ATP6V0D1: variants seen among roughly 807,000 people sequenced by gnomAD.
ATP6V0D1 encodes ATPase H+ transporting V0 subunit d1, also known as V-type proton ATPase subunit d 1.
A neutral mutation model predicts 39.0 loss-of-function variants in ATP6V0D1; 13 were observed. The observed-to-expected ratio is 0.33, with a 90% CI of 0.22 to 0.53. The LOEUF is 0.53. Among genes scored for constraint, ATP6V0D1 ranks in the 20% least tolerant of loss-of-function variants. ATP6V0D1 has a pLI of 0.94. For synonymous variants in ATP6V0D1, 191 were observed against 191.2 expected, an observed-to-expected ratio of 1.00 and a Z score of 0.01; for missense variants, 272 against 470.9, an observed-to-expected ratio of 0.58 and a Z score of 3.91.
intron 1 of ATP6V0D1, among the ~76,000 whole-genome samples, chr16:67,475,608 G>A (rs2041408316): frequency 6.6e-6 from 1 of 152,170 alleles, no homozygotes. Flanking sequence ...TGCAACAGGA[G>A]GAAGATGTCC....
At chr16:67,478,835 C>G (rs1481009688) in intron 1 of ATP6V0D1, among the ~76,000 whole-genome samples, 1 of 152,040 alleles carries the variant, frequency 6.6e-6, no homozygotes, top group Non-Finnish European at 1.5e-5. Flanking sequence ...TGGGAAGAAC[C>G]CTGTGCCCCC....
intron 2 of ATP6V0D1, chr16:67,452,100 G>A: frequency 8.3e-7 from 1 of 1,209,230 alleles, no homozygotes; most frequent in Admixed American, 2.6e-5. Context: ...CCTCAGCTCT[G>A]GCTTTGCAGC....
At position 67,470,619 on chromosome 16, in the gene ATP6V0D1, C is replaced by T. The variant is rs2041365188; in HGVS notation, c.130+10338G>A. ...AGATGGCCTGGCGCGGGCCTAACTG[C>T]CACCAGCCAGTGTACTGGTGACTTC... On this transcript the variant is annotated intron_variant, in intron 1 of 7. Transcript: ENST00000290949. Among the ~76,000 whole-genome samples the T allele has an allele frequency of 2.6e-5, 4 of 152,304 alleles. No homozygotes were observed. The South Asian group carries it at 6.2e-4, about 24-fold the overall frequency.
intron 4 of ATP6V0D1, 56 bp from the exon 5 acceptor site, chr16:67,439,407 T>C (rs888045938): frequency 2.3e-5 from 36 of 1,534,970 alleles, no homozygotes; most frequent in Non-Finnish European, 3.2e-5. Context: ...GAGGGCTTGC[T>C]AGGCACAAGC....
intron 2 of ATP6V0D1, chr16:67,452,299 G>T: frequency 2.6e-6 from 4 of 1,535,722 alleles, no homozygotes; most frequent in Non-Finnish European, 2.6e-6. Context: ...CCAGGAGAGG[G>T]CCTGCTTCCT....
chr16:67,438,450 T>TACACACACACGC lies in ATP6V0D1; in HGVS notation c.*66_*77dup. ...AGCCACAGGCTTGTCACAGACCACA[T>TACACACACACGC]ACACACACACGCACACACACGCGCA... is the stretch of plus-strand genomic sequence containing the variant. On this transcript the variant is annotated 3_prime_UTR_variant, in exon 8 of 8. Transcript: ENST00000290949. 3 of 1,514,856 alleles carry TACACACACACGC rather than the reference T, an allele frequency of 2.0e-6. No homozygotes were observed. Among genetic ancestry groups the TACACACACACGC allele is most frequent in the Non-Finnish European group, 1.8e-6 (2 of 1,121,296 alleles). The allele number at this position is 1,514,856 out of a possible 1,614,324, so 93.8% of individuals were successfully genotyped here.
In ATP6V0D1 at chr16:67,481,142, A is replaced by G; in HGVS notation, c.-56T>C. ...CCAGGACCGGCCGGCACGAATCGCG[A>G]CTCCCCAGGTCAGCTGACGCTGCGT... On this transcript the variant is annotated 5_prime_UTR_variant, in exon 1 of 8. Transcript: ENST00000290949. 1 of 1,607,844 alleles carries G rather than the reference A, an allele frequency of 6.2e-7. No homozygotes were observed. The highest frequency in any genetic ancestry group is 8.5e-7 in the Non-Finnish European group (1 of 1,176,070).
intron 2 of ATP6V0D1, among the ~76,000 whole-genome samples, chr16:67,450,415 C>T (rs1472236424): frequency 6.6e-6 from 1 of 152,232 alleles, no homozygotes; most frequent in African/African-American, 2.4e-5. Context: ...AGGCTTCACC[C>T]CTTCCTGCAA....
chr16:67,461,929 C>G (rs1486199174), intron 1 of ATP6V0D1, among the ~76,000 whole-genome samples: 1 of 152,218 alleles, frequency 6.6e-6, no homozygotes, highest in East Asian at 1.9e-4. Context: ...TAATTACCCT[C>G]ATACTCTCAG....
chr16:67,448,799 G>A (rs999716792), intron 2 of ATP6V0D1, among the ~76,000 whole-genome samples: 3 of 152,038 alleles, frequency 2.0e-5, no homozygotes, highest in Non-Finnish European at 4.4e-5. Context: ...TGGGCCTCAC[G>A]GAGCTCCTGC....
chr16:67,452,324 C>T (rs1221683781), intron 2 of ATP6V0D1: 9 of 1,535,616 alleles, frequency 5.9e-6, no homozygotes, highest in Non-Finnish European at 7.8e-6. Flanking sequence ...TGGGCATGTT[C>T]CCTGGCCCTT....
chr16:67,458,668 G>A (rs2041263417), intron 1 of ATP6V0D1, among the ~76,000 whole-genome samples: 1 of 152,186 alleles, frequency 6.6e-6, no homozygotes, highest in African/African-American at 2.4e-5. Context: ...AGACTTCCTT[G>A]AAGGCTGATT....
intron 1 of ATP6V0D1, among the ~76,000 whole-genome samples, chr16:67,463,575 G>GAA (rs370921359): frequency 7.2e-6 from 1 of 139,748 alleles, no homozygotes; most frequent in Non-Finnish European, 1.6e-5. Context: ...GGAAGAAGGG[G>GAA]AAAAAAAAAA....
rs796191556 is a variant in ATP6V0D1, at chr16:67,443,007, G to C, written c.561+92C>G. 6 of 1,345,242 alleles carry C rather than the reference G, an allele frequency of 4.5e-6. No homozygotes were observed. The African/African-American group carries it at 7.2e-5, about 16-fold the overall frequency. The allele number at this position is 1,345,242 out of a possible 1,614,324, so 83.3% of individuals were successfully genotyped here. On this transcript the variant is annotated intron_variant, in intron 4 of 7. Coordinates refer to ENST00000290949, the MANE Select transcript of ATP6V0D1 (RefSeq NM_004691.5). Reference sequence around the variant, plus strand: ...TAGGAGCCTGACATAGCTGCATCCTGTCCCAGCACCTCACATAAATCACCA... The same window carrying C: ...TAGGAGCCTGACATAGCTGCATCCTCTCCCAGCACCTCACATAAATCACCA...
intron 1 of ATP6V0D1, chr16:67,459,321 C>T (rs897234800): frequency 1.1e-4 from 99 of 941,912 alleles, no homozygotes; most frequent in Non-Finnish European, 1.2e-4. Context: ...CTCCACAGGC[C>T]GGCCCTGTCC....
intron 1 of ATP6V0D1, among the ~76,000 whole-genome samples, chr16:67,463,348 C>A (rs112637132): frequency 5.9e-5 from 9 of 152,170 alleles, no homozygotes; most frequent in African/African-American, 2.2e-4. Flanking sequence ...CTGAGCAACA[C>A]AGAGAGACTC....
intron 1 of ATP6V0D1, among the ~76,000 whole-genome samples, chr16:67,470,720 T>C (rs146624001): frequency 5.9e-5 from 9 of 152,292 alleles, no homozygotes; most frequent in Non-Finnish European, 1.3e-4. Flanking sequence ...TGAGATAGAA[T>C]ACTTCCCCTC....
chr16:67,452,302 T>C, intron 2 of ATP6V0D1: 1 of 1,535,726 alleles, frequency 6.5e-7, no homozygotes, highest in Non-Finnish European at 8.7e-7. Context: ...GGAGAGGGCC[T>C]GCTTCCTAGC....
Position 67,481,079 on chromosome 16 carries a change from A to T in ATP6V0D1, c.8T>A (p.Phe3Tyr). 6.2e-7 allele frequency: 1 copy of T among 1,614,102 alleles called. No homozygotes were observed. The highest frequency in any genetic ancestry group is 2.2e-5 in the East Asian group (1 of 44,876). Residue 3 changes from phenylalanine to tyrosine, a missense_variant, in exon 1 of 8, where the codon TTC (phenylalanine) becomes TAC (tyrosine). By Grantham distance (22) the Phe-to-Tyr change is conservative. This residue lies in a region of ATP6V0D1 where 81 missense variants were observed against 96.0 expected (regional missense o/e 0.84). Coordinates refer to ENST00000290949, the MANE Select transcript of ATP6V0D1 (RefSeq NM_004691.5). ...CACGTTAAAGTAAAGCTCCGGGAAG[A>T]ACGACATGGCTGCTGCGGGAGCGGC... MS[F>Y]FPELYFNVDN...
Sources: allele counts gnomAD v4.1 joint callset (sites outside exome capture counted in the v4.1 genomes callset), GRCh38; gene constraint gnomAD v4.1.1; regional missense constraint gnomAD v4.1.1; transcripts MANE v1.5; gene names NCBI Gene and HGNC (gene_info 2026-07-23, HGNC 2026-07-21).